Variants in PPHLN1 observed in about 807,000 individuals in gnomAD.
PPHLN1 encodes periphilin-1.
In PPHLN1, 29 loss-of-function variants were observed where a neutral mutation model predicts 51.3. That is an observed-to-expected ratio of 0.57 (90% CI 0.42 to 0.77). PPHLN1 has a LOEUF of 0.77. Among genes scored for constraint, PPHLN1 ranks in the 30% least tolerant of loss-of-function variants. The pLI, the probability that PPHLN1 is intolerant of heterozygous loss-of-function variation, is 0.00. For missense variants in PPHLN1, 436 were observed against 438.4 expected (o/e 0.99, Z 0.05); for synonymous variants, 147 against 147.8 (o/e 0.99, Z 0.04).
At chr12:42,359,651 G>A (rs1278604969) in intron 4 of PPHLN1, 2 of 152,208 alleles carry the variant, frequency 1.3e-5, no homozygotes, top group Non-Finnish European at 2.9e-5. Context: ...GAAAATAGCT[G>A]TTGTTGTAGA....
At chr12:42,441,183 C>G in intron 9 of PPHLN1, 132 bp from the exon 10 acceptor site, 1 of 1,253,114 alleles carries the variant, frequency 8.0e-7, no homozygotes, top group Non-Finnish European at 1.1e-6. Flanking sequence ...AATGCAAGGG[C>G]GAGAAAGGTT....
At chr12:42,424,723 C>CA (rs533831986) in intron 9 of PPHLN1, among the ~76,000 whole-genome samples, 2,217 of 151,796 alleles carry the variant, frequency 0.015, 27 homozygotes, top group Middle Eastern at 0.024. Context: ...GCTTCAGCCA[C>CA]AAAAAAAGAG....
chr12:42,354,588 T>C (rs1002465479), intron 3 of PPHLN1, among the ~76,000 whole-genome samples: 3 of 152,214 alleles, frequency 2.0e-5, no homozygotes, highest in Non-Finnish European at 4.4e-5. Flanking sequence ...AAATATGTCT[T>C]AGAGAACAAA....
chr12:42,371,701 T>C (rs2075820585), intron 4 of PPHLN1, among the ~76,000 whole-genome samples: 1 of 152,202 alleles, frequency 6.6e-6, no homozygotes, highest in Admixed American at 6.5e-5. Context: ...TAGACTGAAA[T>C]ATTCTGTAAG....
chr12:42,389,466 A>G (rs943516094), intron 7 of PPHLN1, among the ~76,000 whole-genome samples: 2 of 152,078 alleles, frequency 1.3e-5, no homozygotes, highest in African/African-American at 4.8e-5. Flanking sequence ...AGGCCAAGGC[A>G]GGAGAATTGC....
intron 9 of PPHLN1, among the ~76,000 whole-genome samples, chr12:42,407,300 G>A (rs1043656281): frequency 6.6e-6 from 1 of 152,164 alleles, no homozygotes; most frequent in Non-Finnish European, 1.5e-5. Context: ...GGGCTACAGG[G>A]TTACAGACAT....
intron 1 of PPHLN1, among the ~76,000 whole-genome samples, chr12:42,332,875 TATTA>T (rs1483648259): frequency 6.6e-6 from 1 of 152,228 alleles, no homozygotes; most frequent in Admixed American, 6.5e-5. Flanking sequence ...TCCTTTAGTA[TATTA>T]ATTTACATTC....
In PPHLN1 at chr12:42,439,621, C is replaced by T. The variant is rs553067620; in HGVS notation, c.910-1694C>T. Among the ~76,000 whole-genome samples the T allele has an allele frequency of 3.3e-5, 5 of 152,350 alleles. No individual in the cohort carries two copies. In the South Asian group the frequency reaches 8.3e-4, roughly 25 times the overall value. On this transcript the variant is annotated intron_variant, in intron 9 of 9. Transcript: ENST00000358314. ...CGTCTGCCTCCCAGGTTCAGCTATTCTCCTGCCTCCGCCTCCTGAGTAGCT... is the reference window on the plus strand; with the variant it reads ...CGTCTGCCTCCCAGGTTCAGCTATTTTCCTGCCTCCGCCTCCTGAGTAGCT...
intron 4 of PPHLN1, among the ~76,000 whole-genome samples, chr12:42,362,157 A>G (rs1270842401): frequency 1.3e-5 from 2 of 152,004 alleles, no homozygotes; most frequent in African/African-American, 4.8e-5. Context: ...GATGAACATC[A>G]TTTCTTGTGC....
rs1566010295 is a variant in PPHLN1 at position 42,426,215 on chromosome 12, CA to C, written c.910-15099del. ...ACACACACACACACACACACACACACACACACACACACACCCTCATGCATTG... is the reference window on the plus strand; with the variant it reads ...ACACACACACACACACACACACACACCACACACACACACCCTCATGCATTG... On this transcript the variant is annotated intron_variant, in intron 9 of 9. Coordinates refer to ENST00000358314, the MANE Select transcript of PPHLN1 (RefSeq NM_201439.2). 4.6e-3 allele frequency among the ~76,000 whole-genome samples: 651 copies of C among 142,752 alleles called. 5 individuals are homozygous for C. The highest frequency in any genetic ancestry group is 7.3e-3 in the Non-Finnish European group (491 of 67,174). 93.7% of individuals were successfully genotyped at this position (142,752 alleles called of 152,430 possible). A position where few individuals can be genotyped will look rare whatever the true frequency, so the allele number is the denominator to read the frequency against.
chr12:42,375,439 G>T (rs1179725903), intron 5 of PPHLN1: 2 of 169,430 alleles, frequency 1.2e-5, no homozygotes, highest in African/African-American at 2.4e-5. Context: ...AGCATCCTGA[G>T]TAGCTGGGAA....
intron 9 of PPHLN1, among the ~76,000 whole-genome samples, chr12:42,438,186 TAGC>T (rs1464108755): frequency 2.6e-5 from 4 of 152,244 alleles, no homozygotes; most frequent in African/African-American, 9.6e-5. Context: ...GATAAATACT[TAGC>T]AGTGGGATTG....
intron 5 of PPHLN1, 151 bp downstream of exon 5, chr12:42,375,225 T>C: frequency 1.7e-6 from 1 of 584,354 alleles, no homozygotes; most frequent in East Asian, 3.0e-5. Context: ...TAGAATAGTA[T>C]AACAAACACC....
chr12:42,399,427 T>A, intron 9 of PPHLN1: 1 of 928,534 alleles, frequency 1.1e-6, no homozygotes, highest in Non-Finnish European at 1.3e-6. Context: ...TTAAGTCTAG[T>A]TTTTTAGTGA....
chr12:42,423,822 A>G (rs1254028493), intron 9 of PPHLN1, among the ~76,000 whole-genome samples: 2 of 152,088 alleles, frequency 1.3e-5, no homozygotes, highest in South Asian at 2.1e-4. Flanking sequence ...GACTACAGGC[A>G]TGAGCCACCA....
intron 1 of PPHLN1, among the ~76,000 whole-genome samples, chr12:42,335,547 C>A (rs1332754329): frequency 6.6e-6 from 1 of 152,034 alleles, no homozygotes; most frequent in Non-Finnish European, 1.5e-5. Context: ...AAAAATGAAT[C>A]GTTTCTGTTT....
chr12:42,409,262 C>T (rs753637254), intron 9 of PPHLN1, among the ~76,000 whole-genome samples: 4 of 152,004 alleles, frequency 2.6e-5, no homozygotes, highest in Non-Finnish European at 4.4e-5. Flanking sequence ...AAAAAATGGA[C>T]AACTCCTGTC....
chr12:42,411,198 T>C (rs1389464341), intron 9 of PPHLN1, among the ~76,000 whole-genome samples: 1 of 151,990 alleles, frequency 6.6e-6, no homozygotes, highest in East Asian at 1.9e-4. Context: ...TATCTCTAAG[T>C]CTTTAATTGT....
At chr12:42,335,576 A>G (rs2070480563) in intron 1 of PPHLN1, among the ~76,000 whole-genome samples, 1 of 152,068 alleles carries the variant, frequency 6.6e-6, no homozygotes, top group African/African-American at 2.4e-5. Context: ...AGGAGAATGA[A>G]GAAGTATTTG....
Sources: allele counts gnomAD v4.1 joint callset (sites outside exome capture counted in the v4.1 genomes callset), GRCh38; gene constraint gnomAD v4.1.1; transcripts MANE v1.5; gene names NCBI Gene and HGNC (gene_info 2026-07-23, HGNC 2026-07-21).